INPP4B: variants seen among roughly 807,000 people sequenced by gnomAD.
INPP4B encodes inositol polyphosphate 4-phosphatase type II.
Under a neutral mutation model 122.5 loss-of-function variants are expected in INPP4B, and 55 were observed. That is an observed-to-expected ratio of 0.45 (90% CI 0.36 to 0.56). The LOEUF is 0.56. Among genes scored for constraint, INPP4B ranks in the 20% least tolerant of loss-of-function variants. INPP4B has a pLI of 0.00. For missense variants in INPP4B, 1,000 were observed against 1,097.7 expected, an observed-to-expected ratio of 0.91 and a Z score of 1.26; for synonymous variants, 403 against 388.7, an observed-to-expected ratio of 1.04 and a Z score of -0.43.
chr4:142,836,595 C>CA (rs202153859), intron 1 of INPP4B, among the ~76,000 whole-genome samples: 3,201 of 150,882 alleles, frequency 0.021, 109 homozygotes, highest in African/African-American at 0.073. Flanking sequence ...ATAACAACAA[C>CA]AAAAAAAGTG....
chr4:142,841,085 G>T (rs186033168), intron 1 of INPP4B, among the ~76,000 whole-genome samples: 47 of 152,108 alleles, frequency 3.1e-4, no homozygotes, highest in African/African-American at 9.4e-4. Flanking sequence ...CAATTATGCA[G>T]CTATTCTCTT....
At chr4:142,796,823 T>C (rs1020817175) in intron 1 of INPP4B, among the ~76,000 whole-genome samples, 1 of 150,200 alleles carries the variant, frequency 6.7e-6, no homozygotes, top group African/African-American at 2.5e-5. Context: ...ATCCAGAGAG[T>C]TTCCAAAAGG....
intron 11 of INPP4B, among the ~76,000 whole-genome samples, chr4:142,253,939 A>C (rs1361688573): frequency 6.6e-6 from 1 of 152,184 alleles, no homozygotes; most frequent in Non-Finnish European, 1.5e-5. Flanking sequence ...TAACCTCTTC[A>C]GACTTAAATG....
chr4:142,342,289 A>G (rs1279611199), intron 7 of INPP4B, among the ~76,000 whole-genome samples: 4 of 152,228 alleles, frequency 2.6e-5, no homozygotes, highest in Admixed American at 2.0e-4. Context: ...TAATTGCCTC[A>G]GAAAAAAGTG....
rs1816962205 is a variant in INPP4B at position 142,462,696 on chromosome 4, CT to C, written c.-161del. The C allele has an allele frequency of 6.6e-6, 1 of 152,166 alleles. No individual in the cohort carries two copies. Among genetic ancestry groups the C allele is most frequent in the South Asian group, 2.1e-4 (1 of 4,832 alleles). 9.4% of individuals were successfully genotyped at this position (152,166 alleles called of 1,614,324 possible). Reference sequence around the variant, plus strand: ...TGTTGTTTTCTTTGACAGAACTGCTCTTTGATTATTGTTTCGCTGGTTTCAA... The same window carrying C: ...TGTTGTTTTCTTTGACAGAACTGCTCTTGATTATTGTTTCGCTGGTTTCAA... On this transcript the variant is annotated 5_prime_UTR_variant, in exon 3 of 26. Transcript: ENST00000262992.
intron 2 of INPP4B, among the ~76,000 whole-genome samples, chr4:142,632,721 G>A (rs545269042): frequency 6.6e-6 from 1 of 151,646 alleles, no homozygotes; most frequent in African/African-American, 2.4e-5. Flanking sequence ...ATGTTCAAAG[G>A]TTCTTATATT....
intron 25 of INPP4B, among the ~76,000 whole-genome samples, chr4:142,054,445 T>C (rs942783012): frequency 6.6e-6 from 1 of 152,054 alleles, no homozygotes; most frequent in African/African-American, 2.4e-5. Context: ...GTTATCCTTA[T>C]TGTGCTGCTT....
At chr4:142,034,885 A>G (rs936728160) in intron 25 of INPP4B, among the ~76,000 whole-genome samples, 20 of 152,150 alleles carry the variant, frequency 1.3e-4, no homozygotes, top group Admixed American at 5.9e-4. Context: ...CTGCTGATGA[A>G]GTTAAACCCT....
intron 7 of INPP4B, among the ~76,000 whole-genome samples, chr4:142,316,449 T>C (rs1685568306): frequency 6.6e-6 from 1 of 152,192 alleles, no homozygotes; most frequent in African/African-American, 2.4e-5. Context: ...TGTATAAATA[T>C]GGTTTCTCCC....
At position 142,353,521 on chromosome 4, in the gene INPP4B, T is replaced by A. The variant is rs150805604; in HGVS notation, c.373-38759A>T. 5.8e-3 allele frequency among the ~76,000 whole-genome samples: 887 copies of A among 152,124 alleles called. 8 individuals are homozygous for A. Among genetic ancestry groups the A allele is most frequent in the African/African-American group, 0.02 (832 of 41,538 alleles). On this transcript the variant is annotated intron_variant, in intron 7 of 25. Transcript: ENST00000262992. ...CTTCTCAGACTCTCCATGCCTTCCA[T>A]AGGTGGCAATCAGACTAAATCTCTG...
chr4:142,554,271 A>C (rs746661311), intron 2 of INPP4B, among the ~76,000 whole-genome samples: 3 of 151,304 alleles, frequency 2.0e-5, no homozygotes, highest in Non-Finnish European at 4.4e-5. Context: ...CCAGAATGAC[A>C]AATGTTTTCT....
rs181838445 is a variant in INPP4B, at chr4:142,638,736, C to T, written c.-191+87103G>A. 4.6e-5 allele frequency among the ~76,000 whole-genome samples: 7 copies of T among 151,844 alleles called. No individual in the cohort carries two copies. In the East Asian group the frequency reaches 5.8e-4, roughly 13 times the overall value. On this transcript the variant is annotated intron_variant, in intron 2 of 25. Coordinates refer to ENST00000262992, the MANE Select transcript of INPP4B (RefSeq NM_001101669.3). ...AATTTTTTGTATTTTTCAGTGGAGA[C>T]GGGGTTTCACCATGTTAGCCAGGAT... is the stretch of plus-strand genomic sequence containing the variant.
Position 142,160,441 on chromosome 4 carries a change from C to T in INPP4B, c.1480G>A (p.Glu494Lys), listed in dbSNP as rs773880588. ...GGGGGTTGGTCTTGGGGACTGCTCT[C>T]CTCTGTGCTGCTCTTAGGAGAGGGT... ...KPPSPKSSTE[E>K]SSPQDQPPVM... The change falls in exon 17 of 26, where the codon GAG becomes AAG. Residue 494 changes from glutamate (E) to lysine (K), a missense_variant. Coordinates refer to ENST00000262992, the MANE Select transcript of INPP4B (RefSeq NM_001101669.3). 3.7e-6 allele frequency: 6 copies of T among 1,612,046 alleles called. No individual in the cohort carries two copies. Among genetic ancestry groups the T allele is most frequent in the Middle Eastern group, 1.7e-4 (1 of 6,002 alleles).
At chr4:142,229,511 G>T (rs1331075816) in intron 12 of INPP4B, among the ~76,000 whole-genome samples, 1 of 152,120 alleles carries the variant, frequency 6.6e-6, no homozygotes, top group Non-Finnish European at 1.5e-5. Flanking sequence ...CATGGCCGGT[G>T]AATGGTGTAT....
intron 7 of INPP4B, among the ~76,000 whole-genome samples, chr4:142,323,312 T>C (rs1579732413): frequency 6.6e-6 from 1 of 152,268 alleles, no homozygotes; most frequent in East Asian, 1.9e-4. Context: ...CATTTATGTG[T>C]ACATTAATGT....
At chr4:142,652,088 T>G (rs1279107134) in intron 2 of INPP4B, among the ~76,000 whole-genome samples, 1 of 152,142 alleles carries the variant, frequency 6.6e-6, no homozygotes, top group African/African-American at 2.4e-5. Context: ...ATAAACGTAA[T>G]CCATCACGTA....
At chr4:142,423,821 T>TA (rs61368063) in intron 5 of INPP4B, 24,327 of 315,478 alleles carry the variant, frequency 0.077, 324 homozygotes, top group African/African-American at 0.14. Context: ...TAATTTCCTA[T>TA]AAAAAAAAAA....
intron 15 of INPP4B, among the ~76,000 whole-genome samples, chr4:142,177,741 A>G (rs1254452529): frequency 6.6e-6 from 1 of 152,140 alleles, no homozygotes; most frequent in Non-Finnish European, 1.5e-5. Flanking sequence ...ATATGTTGTT[A>G]CTATCCATGT....
At chr4:142,475,138 A>G (rs1299713238) in intron 2 of INPP4B, among the ~76,000 whole-genome samples, 2 of 152,188 alleles carry the variant, frequency 1.3e-5, no homozygotes, top group Non-Finnish European at 2.9e-5. Context: ...TGATCAGAAC[A>G]CTTAATAAAA....
Sources: gnomAD v4.1 joint callset for allele counts (sites outside exome capture counted in the v4.1 genomes callset) on GRCh38, gnomAD v4.1.1 for gene constraint, MANE v1.5 for transcripts, NCBI Gene and HGNC (gene_info 2026-07-23, HGNC 2026-07-21) for gene names.